The following KCNK13 variants were observed in gnomAD, a reference collection of about 807,000 sequenced individuals.
The protein encoded by KCNK13 is potassium channel subfamily K member 13.
A neutral mutation model predicts 23.4 loss-of-function variants in KCNK13; 12 were observed. The observed-to-expected ratio is 0.51, with a 90% CI of 0.33 to 0.83. KCNK13 has a LOEUF of 0.83. Among genes scored for constraint, KCNK13 ranks in the 40% least tolerant of loss-of-function variants. The pLI is 0.02. For synonymous variants in KCNK13, 231 were observed against 229.5 expected, an observed-to-expected ratio of 1.01 and a Z score of -0.06; for missense variants, 463 against 556.3, an observed-to-expected ratio of 0.83 and a Z score of 1.69.
intron 1 of KCNK13, among the ~76,000 whole-genome samples, chr14:90,068,741 C>G (rs184559146): frequency 3.9e-5 from 6 of 152,296 alleles, no homozygotes; most frequent in African/African-American, 1.2e-4. Context: ...GAGGGCCGTT[C>G]ATGTTGTGAT....
chr14:90,127,859 G>C lies in KCNK13; in HGVS notation c.335-56252G>C, dbSNP rs908404337. 2.7e-5 allele frequency among the ~76,000 whole-genome samples: 4 copies of C among 148,354 alleles called. No individual in the cohort carries two copies. The East Asian group carries it at 5.9e-4, about 22-fold the overall frequency. ...AAAAAGGCTATTTAATGTTTCAAGA[G>C]TATGTTTCATCTAACAGAGTACATT... On this transcript the variant is annotated intron_variant, in intron 1 of 1. Coordinates refer to ENST00000282146, the MANE Select transcript of KCNK13 (RefSeq NM_022054.4).
At chr14:90,117,978 T>G (rs912797775) in intron 1 of KCNK13, among the ~76,000 whole-genome samples, 1 of 152,168 alleles carries the variant, frequency 6.6e-6, no homozygotes, top group Non-Finnish European at 1.5e-5. Context: ...AACAGGTGAG[T>G]TCGATTGCTT....
chr14:90,152,124 A>G (rs1000806449), intron 1 of KCNK13, among the ~76,000 whole-genome samples: 1 of 152,228 alleles, frequency 6.6e-6, no homozygotes, highest in African/African-American at 2.4e-5. Flanking sequence ...AGGTAATTGA[A>G]TCATGGGGGC....
chr14:90,153,663 CCAT>C (rs1890161679), intron 1 of KCNK13, among the ~76,000 whole-genome samples: 1 of 152,140 alleles, frequency 6.6e-6, no homozygotes, highest in Admixed American at 6.5e-5. Context: ...GATGAAGTTT[CCAT>C]TTATGGAAAG....
intron 1 of KCNK13, among the ~76,000 whole-genome samples, chr14:90,077,007 G>T (rs1302039858): frequency 1.3e-5 from 2 of 151,622 alleles, no homozygotes; most frequent in African/African-American, 4.8e-5. Flanking sequence ...TTTTAGTAGA[G>T]ACGGGGTTTC....
chr14:90,125,563 T>C lies in KCNK13; in HGVS notation c.335-58548T>C, dbSNP rs367759011. 2.6e-4 allele frequency among the ~76,000 whole-genome samples: 39 copies of C among 151,056 alleles called. 1 individual carries two copies. In the East Asian group the frequency reaches 3.1e-3, roughly 12 times the overall value. ...AATATGAAAGCTCATGGTAAAATCA[T>C]ATGTACCAAATAAGGAAGTGCGTAA... On this transcript the variant is annotated intron_variant, in intron 1 of 1. Transcript: ENST00000282146.
intron 1 of KCNK13, among the ~76,000 whole-genome samples, chr14:90,079,171 T>C (rs556689219): frequency 4.6e-5 from 7 of 151,866 alleles, no homozygotes; most frequent in Non-Finnish European, 8.8e-5. Context: ...TGCTAGGTAG[T>C]AGGATGGAGG....
intron 1 of KCNK13, among the ~76,000 whole-genome samples, chr14:90,163,330 A>G (rs1890270502): frequency 1.3e-5 from 2 of 152,212 alleles, no homozygotes; most frequent in South Asian, 4.1e-4. Flanking sequence ...TGCCAGTAAA[A>G]CTAGAAATTA....
chr14:90,123,887 C>G (rs1889766857), intron 1 of KCNK13, among the ~76,000 whole-genome samples: 1 of 152,178 alleles, frequency 6.6e-6, no homozygotes, highest in Non-Finnish European at 1.5e-5. Context: ...TCAACCCCAG[C>G]TTCCCTTTCA....
intron 1 of KCNK13, among the ~76,000 whole-genome samples, chr14:90,143,171 C>CTTTCTTTCTTTCTTTCTTTCTTTT (rs1555352138): frequency 8.1e-6 from 1 of 123,788 alleles, no homozygotes; most frequent in Admixed American, 8.6e-5. Context: ...TTCTTTCTTT[C>CTTTCTTTCTTTCTTTCTTTCTTTT]TTTCTTTTCT....
At chr14:90,143,159 C>CTT (rs1423244516) in intron 1 of KCNK13, among the ~76,000 whole-genome samples, 6 of 7,608 alleles carry the variant, frequency 7.9e-4, no homozygotes, top group Non-Finnish European at 4.0e-3. Flanking sequence ...TTCTTTCTTT[C>CTT]TTTCTTTCTT....
chr14:90,123,503 C>A (rs1347021427), intron 1 of KCNK13, among the ~76,000 whole-genome samples: 1 of 152,182 alleles, frequency 6.6e-6, no homozygotes. Context: ...CAAATACAGT[C>A]ACATTCTGAG....
chr14:90,159,675 G>A (rs1890231154), intron 1 of KCNK13, among the ~76,000 whole-genome samples: 1 of 152,132 alleles, frequency 6.6e-6, no homozygotes, highest in Non-Finnish European at 1.5e-5. Flanking sequence ...CATATCTAGT[G>A]TTTTATCTAT....
chr14:90,119,858 G>A (rs147956335), intron 1 of KCNK13, among the ~76,000 whole-genome samples: 1 of 152,150 alleles, frequency 6.6e-6, no homozygotes, highest in African/African-American at 2.4e-5. Context: ...CCTTGGCATC[G>A]CAGAGTGCTG....
At chr14:90,152,874 A>T (rs56398840) in intron 1 of KCNK13, among the ~76,000 whole-genome samples, 6 of 152,146 alleles carry the variant, frequency 3.9e-5, no homozygotes, top group Non-Finnish European at 7.4e-5. Context: ...GTTTCATTCT[A>T]TGGGTTTCTG....
intron 1 of KCNK13, among the ~76,000 whole-genome samples, chr14:90,102,892 G>A (rs1889498935): frequency 6.6e-6 from 1 of 152,174 alleles, no homozygotes; most frequent in Admixed American, 6.5e-5. Flanking sequence ...CAGGTAATAA[G>A]CATTATACCC....
intron 1 of KCNK13, among the ~76,000 whole-genome samples, chr14:90,153,534 A>T (rs1460778760): frequency 6.6e-6 from 1 of 152,198 alleles, no homozygotes; most frequent in African/African-American, 2.4e-5. Context: ...ATCCTTATTT[A>T]TGAGTCTATT....
intron 1 of KCNK13, among the ~76,000 whole-genome samples, chr14:90,127,315 C>T (rs1010481510): frequency 2.0e-5 from 3 of 152,036 alleles, no homozygotes; most frequent in African/African-American, 7.3e-5. Flanking sequence ...TGTTTTGTAG[C>T]GTGAAAACAG....
At chr14:90,181,671 T>G (rs547704657) in intron 1 of KCNK13, among the ~76,000 whole-genome samples, 1 of 152,256 alleles carries the variant, frequency 6.6e-6, no homozygotes, top group East Asian at 1.9e-4. Flanking sequence ...CCCTAGCAAC[T>G]CCTGTAGCTC....
Sources: gnomAD v4.1 joint callset for allele counts (sites outside exome capture counted in the v4.1 genomes callset) on GRCh38, gnomAD v4.1.1 for gene constraint, MANE v1.5 for transcripts, NCBI Gene and HGNC (gene_info 2026-07-23, HGNC 2026-07-21) for gene names.